Variants in CROT observed in about 807,000 individuals in gnomAD.
CROT encodes the protein peroxisomal carnitine O-octanoyltransferase.
Under a neutral mutation model 89.2 loss-of-function variants are expected in CROT, and 84 were observed. The observed-to-expected ratio is 0.94, with a 90% CI of 0.79 to 1.13. The LOEUF (loss-of-function observed/expected upper bound fraction) is 1.13, where lower values mean the gene tolerates loss of function less well. Among genes scored for constraint, CROT ranks in the 50% most tolerant of loss-of-function variants. The probability of loss-of-function intolerance (pLI) is 0.00; values close to 1 mark genes in which losing one functional copy is unlikely to be tolerated. For missense variants in CROT, 711 were observed against 727.8 expected (o/e 0.98, Z 0.27); for synonymous variants, 212 against 239.5 (o/e 0.89, Z 1.06).
Position 87,351,027 on chromosome 7 carries a change from G to A in CROT, c.115+1844G>A, listed in dbSNP as rs1221927854. Among the ~76,000 whole-genome samples the A allele has an allele frequency of 2.0e-5, 3 of 152,122 alleles. No homozygotes were observed. The East Asian group carries it at 5.8e-4, about 29-fold the overall frequency. On this transcript the variant is annotated intron_variant, in intron 3 of 17. Transcript: ENST00000331536. Reference sequence around the variant, plus strand: ...TTGATATATTAGAAAAGGAAATATTGGCTAGGTGTGGTAGCTCACACCTGT... The same window carrying A: ...TTGATATATTAGAAAAGGAAATATTAGCTAGGTGTGGTAGCTCACACCTGT...
At chr7:87,378,207 G>C (rs185524560) in intron 10 of CROT, among the ~76,000 whole-genome samples, 4 of 151,986 alleles carry the variant, frequency 2.6e-5, no homozygotes, top group African/African-American at 9.7e-5. Context: ...AGCCTCACAT[G>C]GTGTTGTGCG....
chr7:87,385,613 G>A (rs77270176), intron 13 of CROT, among the ~76,000 whole-genome samples: 8,837 of 152,216 alleles, frequency 0.058, 317 homozygotes, highest in South Asian at 0.16. Flanking sequence ...ATTAGATCAT[G>A]TCATCTGCAG....
At chr7:87,375,988 A>C (rs1806802088) in intron 9 of CROT, 35 bp downstream of exon 9, 1 of 1,515,038 alleles carries the variant, frequency 6.6e-7, no homozygotes, top group East Asian at 2.3e-5. Flanking sequence ...TTTTTATTGC[A>C]GATTTTTCTG....
At chr7:87,354,803 TA>T (rs1326012916) in intron 3 of CROT, among the ~76,000 whole-genome samples, 2 of 152,188 alleles carry the variant, frequency 1.3e-5, no homozygotes, top group South Asian at 2.1e-4. Context: ...ATTAATACCA[TA>T]AAAAAATCTT....
intron 17 of CROT, among the ~76,000 whole-genome samples, chr7:87,396,735 G>A (rs918916327): frequency 6.6e-6 from 1 of 151,154 alleles, no homozygotes. Flanking sequence ...TAAGAACAAA[G>A]TTATCTACAT....
chr7:87,359,192 T>G lies in CROT; in HGVS notation c.116-14T>G. 1 of 1,529,510 alleles carries G rather than the reference T, an allele frequency of 6.5e-7. No individual in the cohort carries two copies. Among genetic ancestry groups the G allele is most frequent in the Non-Finnish European group, 9.0e-7 (1 of 1,108,458 alleles). 94.7% of individuals were successfully genotyped at this position (1,529,510 alleles called of 1,614,324 possible). A position where few individuals can be genotyped will look rare whatever the true frequency, so the allele number is the denominator to read the frequency against. On this transcript the variant is annotated splice_polypyrimidine_tract_variant and intron_variant, in intron 3 of 17. Coordinates refer to ENST00000331536, the MANE Select transcript of CROT (RefSeq NM_021151.4). ...CTTGGTCTAAATACCTTAATACGTA[T>G]TTTTCCTTTCTAGTGAAACCATTTG...
In CROT at chr7:87,398,648, T is replaced by G. The variant is rs747191003; in HGVS notation, c.*4T>G. 3 of 1,612,562 alleles carry G rather than the reference T, an allele frequency of 1.9e-6. No individual in the cohort carries two copies. The Admixed American group carries it at 5.0e-5, about 27-fold the overall frequency. On this transcript the variant is annotated 3_prime_UTR_variant, in exon 18 of 18. Transcript: ENST00000331536. ...GATGAACTCTACTCATCTTTAGAGATGAATCATCTATTAAGCACTTACCAA... is the reference window on the plus strand; with the variant it reads ...GATGAACTCTACTCATCTTTAGAGAGGAATCATCTATTAAGCACTTACCAA...
At chr7:87,377,877 T>G (rs1261745532) in intron 10 of CROT, among the ~76,000 whole-genome samples, 3 of 152,172 alleles carry the variant, frequency 2.0e-5, no homozygotes, top group African/African-American at 7.2e-5. Flanking sequence ...TTTGGAACAC[T>G]ATTTAGGCTG....
At chr7:87,398,113 T>TC (rs1425403423) in intron 17 of CROT, among the ~76,000 whole-genome samples, 1 of 151,910 alleles carries the variant, frequency 6.6e-6, no homozygotes, top group African/African-American at 2.4e-5. Context: ...CTTTTTTTTT[T>TC]TTTCAAACTT....
intron 13 of CROT, among the ~76,000 whole-genome samples, chr7:87,383,020 GA>G (rs1333607371): frequency 1.3e-5 from 2 of 152,124 alleles, no homozygotes; most frequent in Non-Finnish European, 2.9e-5. Context: ...AGGTACATGT[GA>G]TTTTTTTGAT....
intron 17 of CROT, among the ~76,000 whole-genome samples, chr7:87,394,938 G>A (rs1266881988): frequency 2.0e-5 from 3 of 151,866 alleles, no homozygotes; most frequent in Non-Finnish European, 4.4e-5. Flanking sequence ...TGAGGACAAA[G>A]GATATCTGCC....
At chr7:87,390,784 C>T (rs572485556) in intron 13 of CROT, among the ~76,000 whole-genome samples, 1 of 152,286 alleles carries the variant, frequency 6.6e-6, no homozygotes, top group East Asian at 1.9e-4. Context: ...GTCAAGGACT[C>T]TGTATTACCT....
In CROT at chr7:87,359,253, G is replaced by C. The variant is rs774432598; in HGVS notation, c.163G>C (p.Val55Leu). The C allele has an allele frequency of 1.3e-6, 2 of 1,592,516 alleles. No individual in the cohort carries two copies. Among genetic ancestry groups the C allele is most frequent in the Non-Finnish European group, 1.7e-6 (2 of 1,163,224 alleles). The change falls in exon 4 of 18, where the codon GTT becomes CTT. Residue 55 changes from valine to leucine, a missense_variant. By Grantham distance (32) the Val-to-Leu change is conservative. Transcript: ENST00000331536. The stretch of plus-strand genomic sequence containing the variant: ...AGAATATAAGAAAACTGAAGAAATA[G>C]TTCAAAAATTTCAAAGTGGGATTGG... Reference protein sequence around the residue: ...QEEYKKTEEIVQKFQSGIGEK... With the variant: ...QEEYKKTEEILQKFQSGIGEK...
chr7:87,398,869 T>C lies in CROT; in HGVS notation c.*225T>C. The C allele has an allele frequency of 1.9e-6, 1 of 519,364 alleles. No homozygotes were observed. Among genetic ancestry groups the C allele is most frequent in the Non-Finnish European group, 3.4e-6 (1 of 291,230 alleles). 32.2% of individuals were successfully genotyped at this position (519,364 alleles called of 1,614,324 possible). On this transcript the variant is annotated 3_prime_UTR_variant, in exon 18 of 18. Transcript: ENST00000331536. ...TCCTCTGATGCAGCAGCAATGCAAA[T>C]TATGACATAGTGAATATAGAACTAT...
At chr7:87,387,227 GC>G (rs1351789911) in intron 13 of CROT, among the ~76,000 whole-genome samples, 4 of 151,798 alleles carry the variant, frequency 2.6e-5, no homozygotes. Context: ...CTTCTACTCT[GC>G]CATTATGGTA....
At chr7:87,354,389 G>T (rs868564966) in intron 3 of CROT, 1 of 518,752 alleles carries the variant, frequency 1.9e-6, no homozygotes, top group Non-Finnish European at 3.9e-6. Context: ...TGAAAAAAGT[G>T]CTTGGATTTA....
At chr7:87,388,405 A>T (rs368031532) in intron 13 of CROT, among the ~76,000 whole-genome samples, 1 of 152,234 alleles carries the variant, frequency 6.6e-6, no homozygotes, top group Non-Finnish European at 1.5e-5. Context: ...CCAAAACAGC[A>T]TGTTACTGGT....
chr7:87,350,559 A>T (rs974668101), intron 3 of CROT, among the ~76,000 whole-genome samples: 18 of 152,238 alleles, frequency 1.2e-4, no homozygotes, highest in African/African-American at 4.3e-4. Flanking sequence ...TGAGGAAGGA[A>T]TTTAGATGTA....
At chr7:87,385,874 AT>A (rs1321056678) in intron 13 of CROT, among the ~76,000 whole-genome samples, 2 of 151,908 alleles carry the variant, frequency 1.3e-5, no homozygotes, top group African/African-American at 4.8e-5. Flanking sequence ...TTTGTTGAAA[AT>A]TTTTTTTATC....
Sources: gnomAD v4.1 joint callset for allele counts (sites outside exome capture counted in the v4.1 genomes callset) on GRCh38, gnomAD v4.1.1 for gene constraint, MANE v1.5 for transcripts, NCBI Gene and HGNC (gene_info 2026-07-23, HGNC 2026-07-21) for gene names.